Variants in DYNC1I1 observed in about 807,000 individuals in gnomAD.
DYNC1I1 encodes cytoplasmic dynein 1 intermediate chain 1.
In DYNC1I1, 43 loss-of-function variants were observed where a neutral mutation model predicts 86.6. That is an observed-to-expected ratio of 0.50 (90% confidence interval 0.39 to 0.64). The LOEUF (loss-of-function observed/expected upper bound fraction) is 0.64, where lower values mean the gene tolerates loss of function less well. Among genes scored for constraint, DYNC1I1 ranks in the 30% least tolerant of loss-of-function variants. DYNC1I1 has a pLI of 0.00. For synonymous variants in DYNC1I1, 262 were observed against 283.7 expected (o/e 0.92, Z 0.77); for missense variants, 604 against 788.8 (o/e 0.77, Z 2.81).
At chr7:96,060,010 T>A (rs532151683) in intron 14 of DYNC1I1, among the ~76,000 whole-genome samples, 2 of 152,302 alleles carry the variant, frequency 1.3e-5, no homozygotes, top group South Asian at 4.1e-4. Context: ...TATTAGATAA[T>A]TTTACAGCCT....
intron 14 of DYNC1I1, among the ~76,000 whole-genome samples, chr7:96,050,470 T>C (rs1202437345): frequency 6.6e-6 from 1 of 152,228 alleles, no homozygotes; most frequent in Non-Finnish European, 1.5e-5. Flanking sequence ...CTCTTTGTGA[T>C]TTGAATAGTT....
chr7:95,983,413 T>C (rs754022983), intron 7 of DYNC1I1, among the ~76,000 whole-genome samples: 15 of 152,142 alleles, frequency 9.9e-5, no homozygotes, highest in Admixed American at 4.6e-4. Flanking sequence ...CTGGAGAGCA[T>C]TTCTTAAGGT....
intron 6 of DYNC1I1, among the ~76,000 whole-genome samples, chr7:95,929,582 A>G (rs556256393): frequency 2.0e-5 from 3 of 152,208 alleles, no homozygotes; most frequent in Non-Finnish European, 2.9e-5. Context: ...TACTCAAATC[A>G]GGAGTGTACA....
At chr7:95,778,559 T>C (rs1159912861) in intron 1 of DYNC1I1, among the ~76,000 whole-genome samples, 1 of 152,214 alleles carries the variant, frequency 6.6e-6, no homozygotes, top group African/African-American at 2.4e-5. Flanking sequence ...TCTCAAGTAG[T>C]GGTGACTGGG....
At chr7:95,809,788 A>G (rs1468933926) in intron 2 of DYNC1I1, among the ~76,000 whole-genome samples, 1 of 152,178 alleles carries the variant, frequency 6.6e-6, no homozygotes, top group Non-Finnish European at 1.5e-5. Context: ...CAGTTAGTAT[A>G]TATAATGGAA....
chr7:96,058,792 C>T (rs145766998), intron 14 of DYNC1I1, among the ~76,000 whole-genome samples: 2,017 of 144,468 alleles, frequency 0.014, 19 homozygotes, highest in South Asian at 0.021. Flanking sequence ...TGCTACCATG[C>T]CTGGCTAATT....
intron 1 of DYNC1I1, among the ~76,000 whole-genome samples, chr7:95,781,743 G>A (rs528741747): frequency 3.9e-5 from 6 of 152,276 alleles, no homozygotes; most frequent in African/African-American, 1.4e-4. Context: ...TTTAACCAGG[G>A]CACATGCTCT....
intron 16 of DYNC1I1, among the ~76,000 whole-genome samples, chr7:96,108,860 C>CA (rs201915898): frequency 0.023 from 1,792 of 79,350 alleles, 20 homozygotes; most frequent in East Asian, 0.064. Flanking sequence ...GACTCTGTCT[C>CA]AAAAAAAAAA....
intron 14 of DYNC1I1, among the ~76,000 whole-genome samples, chr7:96,066,830 T>A (rs1790006265): frequency 6.6e-6 from 1 of 152,242 alleles, no homozygotes; most frequent in Non-Finnish European, 1.5e-5. Flanking sequence ...TATTATATCA[T>A]AATTTTCATT....
In DYNC1I1 at chr7:95,805,453, A is replaced by G. The variant is rs79522730; in HGVS notation, c.108+616A>G. ...GTAAATAGGATAGTACAGTACAAAGAATTATTACATGTTAGATCTGGCTGA... is the reference window on the plus strand; with the variant it reads ...GTAAATAGGATAGTACAGTACAAAGGATTATTACATGTTAGATCTGGCTGA... On this transcript the variant is annotated intron_variant, in intron 2 of 16. Coordinates refer to ENST00000447467, the MANE Select transcript of DYNC1I1 (RefSeq NM_001135556.2). 6.2e-3 allele frequency among the ~76,000 whole-genome samples: 939 copies of G among 152,218 alleles called. 16 individuals are homozygous for G. The highest frequency in any genetic ancestry group is 0.022 in the African/African-American group (905 of 41,526).
intron 1 of DYNC1I1, among the ~76,000 whole-genome samples, chr7:95,782,380 A>C (rs528803026): frequency 1.3e-5 from 2 of 152,342 alleles, no homozygotes; most frequent in African/African-American, 4.8e-5. Context: ...ATGTAACCAC[A>C]TATGTAGTGG....
At chr7:95,799,380 G>GA (rs923098829) in intron 1 of DYNC1I1, among the ~76,000 whole-genome samples, 7 of 151,666 alleles carry the variant, frequency 4.6e-5, no homozygotes, top group African/African-American at 9.7e-5. Context: ...CTCTGTCCCA[G>GA]AAAAAAAAGA....
At chr7:95,776,141 C>T (rs1003606435) in intron 1 of DYNC1I1, among the ~76,000 whole-genome samples, 24 of 152,044 alleles carry the variant, frequency 1.6e-4, no homozygotes, top group African/African-American at 4.3e-4. Flanking sequence ...TGCAGTGAGA[C>T]GAGATTGCAC....
intron 5 of DYNC1I1, among the ~76,000 whole-genome samples, chr7:95,848,170 A>G (rs1017708596): frequency 1.3e-5 from 2 of 151,672 alleles, no homozygotes; most frequent in East Asian, 1.9e-4. Context: ...ACACAATACA[A>G]ATGGTCCCTG....
intron 6 of DYNC1I1, among the ~76,000 whole-genome samples, chr7:95,892,373 T>C (rs1790764656): frequency 2.0e-5 from 3 of 151,818 alleles, no homozygotes; most frequent in South Asian, 2.1e-4. Flanking sequence ...GCAGTGGCGG[T>C]GATCTCGGCT....
chr7:96,100,775 A>C (rs762079875), downstream of DYNC1I1, among the ~76,000 whole-genome samples: 2 of 152,038 alleles, frequency 1.3e-5, no homozygotes, highest in African/African-American at 4.8e-5. Context: ...TGTAGCCTAC[A>C]TTCACTAGAG....
chr7:95,872,600 A>G (rs1790201967), intron 6 of DYNC1I1, among the ~76,000 whole-genome samples: 1 of 152,174 alleles, frequency 6.6e-6, no homozygotes, highest in African/African-American at 2.4e-5. Flanking sequence ...ATTTTTGATC[A>G]TAATGATCTG....
chr7:96,094,954 T>C (rs1274552019), intron 16 of DYNC1I1, among the ~76,000 whole-genome samples: 1 of 152,130 alleles, frequency 6.6e-6, no homozygotes, highest in Non-Finnish European at 1.5e-5. Context: ...ACTTCAAACA[T>C]TTTGCCAGTC....
chr7:95,865,695 T>A (rs1790000130), intron 5 of DYNC1I1, among the ~76,000 whole-genome samples: 1 of 152,168 alleles, frequency 6.6e-6, no homozygotes, highest in Non-Finnish European at 1.5e-5. Flanking sequence ...ACACAAATAC[T>A]CAACCATTGT....
Sources: allele counts gnomAD v4.1 joint callset (sites outside exome capture counted in the v4.1 genomes callset), GRCh38; gene constraint gnomAD v4.1.1; transcripts MANE v1.5; gene names NCBI Gene and HGNC (gene_info 2026-07-23, HGNC 2026-07-21).